Variants in FER observed in about 807,000 individuals in gnomAD.
FER encodes the protein FER tyrosine kinase.
In FER, 63 loss-of-function variants were observed where a neutral mutation model predicts 111.0. That is an observed-to-expected ratio of 0.57 (90% CI 0.46 to 0.70). The LOEUF (loss-of-function observed/expected upper bound fraction) is 0.70. Ranked by LOEUF, FER falls within the 30% of genes least tolerant of loss-of-function variation. The probability of loss-of-function intolerance (pLI) is 0.00; values close to 1 mark genes in which losing one functional copy is unlikely to be tolerated. For synonymous variants in FER, 327 were observed against 313.9 expected (o/e 1.04, Z -0.44); for missense variants, 914 against 954.0 (o/e 0.96, Z 0.55).
intron 13 of FER, among the ~76,000 whole-genome samples, chr5:109,033,660 G>A (rs772670804): frequency 6.6e-6 from 1 of 151,984 alleles, no homozygotes; most frequent in South Asian, 2.1e-4. Context: ...AATACCTAAG[G>A]GGGAGAGGGT....
rs190453391 is a variant in FER, at chr5:108,903,563, C to T, written c.1236+5715C>T. 3.2e-3 allele frequency among the ~76,000 whole-genome samples: 482 copies of T among 152,226 alleles called. 4 individuals carry two copies. Among genetic ancestry groups the T allele is most frequent in the Admixed American group, 0.01 (154 of 15,282 alleles). ...CCTTAACCTTTCTGAGTTTTCTTTT[C>T]CGTAGAGGGAGGAAATGAATATATA... is the stretch of plus-strand genomic sequence containing the variant. On this transcript the variant is annotated intron_variant, in intron 10 of 19. Coordinates refer to ENST00000281092, the MANE Select transcript of FER (RefSeq NM_005246.4).
chr5:108,939,554 A>ACTGATG (rs1223127573), intron 10 of FER, among the ~76,000 whole-genome samples: 6 of 152,052 alleles, frequency 3.9e-5, no homozygotes, highest in Non-Finnish European at 1.5e-5. Flanking sequence ...GGCAGGATGT[A>ACTGATG]CTGATGTCCT....
At chr5:109,118,868 T>C (rs1392572677) in intron 17 of FER, among the ~76,000 whole-genome samples, 1 of 152,170 alleles carries the variant, frequency 6.6e-6, no homozygotes, top group East Asian at 1.9e-4. Context: ...TTATCATTTT[T>C]TATTGCATCT....
intron 17 of FER, among the ~76,000 whole-genome samples, chr5:109,143,295 T>G (rs1178899923): frequency 6.6e-6 from 1 of 152,146 alleles, no homozygotes; most frequent in Non-Finnish European, 1.5e-5. Context: ...ATAAAGTCCT[T>G]GACTCTAGAC....
intron 13 of FER, among the ~76,000 whole-genome samples, chr5:109,024,610 A>C (rs549077690): frequency 3.4e-4 from 52 of 152,288 alleles, no homozygotes; most frequent in South Asian, 6.2e-4. Context: ...GAAAGGAAAA[A>C]GCCAGGAGTC....
chr5:108,857,857 A>C (rs144268513), intron 5 of FER, among the ~76,000 whole-genome samples: 1,566 of 152,310 alleles, frequency 0.01, 29 homozygotes, highest in African/African-American at 0.036. Context: ...AGCCACTTCA[A>C]ACTGGCTCCT....
At chr5:108,827,065 T>C (rs184740990) in intron 3 of FER, among the ~76,000 whole-genome samples, 49 of 152,352 alleles carry the variant, frequency 3.2e-4, no homozygotes, top group Admixed American at 1.6e-3. Context: ...ATTAGAGGTA[T>C]GTTATTCATA....
chr5:108,978,144 C>G (rs146913578), intron 13 of FER, among the ~76,000 whole-genome samples: 1,831 of 152,316 alleles, frequency 0.012, 18 homozygotes, highest in Non-Finnish European at 0.02. Flanking sequence ...TCGTGCCTAG[C>G]TAACTCCTGT....
chr5:109,181,280 A>C (rs1436224507), intron 18 of FER, among the ~76,000 whole-genome samples: 1 of 152,198 alleles, frequency 6.6e-6, no homozygotes, highest in East Asian at 1.9e-4. Context: ...TAAAATATTA[A>C]GTCAATCAGT....
intron 16 of FER, among the ~76,000 whole-genome samples, chr5:109,092,091 A>T (rs1746843179): frequency 6.6e-6 from 1 of 151,920 alleles, no homozygotes; most frequent in Admixed American, 6.6e-5. Context: ...CTCACCAGAC[A>T]CCAAGCCTGC....
chr5:109,147,176 C>G (rs937511554), intron 17 of FER, among the ~76,000 whole-genome samples: 1 of 151,068 alleles, frequency 6.6e-6, no homozygotes, highest in Non-Finnish European at 1.5e-5. Context: ...AAAAAATTAA[C>G]ATTTAAAAAA....
chr5:109,025,355 C>G (rs940463489), intron 13 of FER, among the ~76,000 whole-genome samples: 7 of 152,184 alleles, frequency 4.6e-5, no homozygotes, highest in Admixed American at 4.6e-4. Flanking sequence ...AAGTTGGATT[C>G]CTAGGTATTT....
At chr5:108,898,891 A>G (rs975613356) in intron 10 of FER, among the ~76,000 whole-genome samples, 1 of 151,456 alleles carries the variant, frequency 6.6e-6, no homozygotes, top group Non-Finnish European at 1.5e-5. Flanking sequence ...CTCCCTTCAC[A>G]CTCCCAGCAC....
At chr5:108,983,515 A>G (rs953711309) in intron 13 of FER, among the ~76,000 whole-genome samples, 9 of 152,124 alleles carry the variant, frequency 5.9e-5, no homozygotes, top group Non-Finnish European at 1.5e-5. Context: ...GTAAAGTAGT[A>G]AATTAATTTT....
At chr5:109,144,220 G>GT (rs1471823150) in intron 17 of FER, among the ~76,000 whole-genome samples, 1 of 151,876 alleles carries the variant, frequency 6.6e-6, no homozygotes, top group African/African-American at 2.4e-5. Context: ...TTACCAATAG[G>GT]TTTTTTTAAA....
chr5:109,097,024 T>C (rs920824861), intron 16 of FER, among the ~76,000 whole-genome samples: 1 of 148,948 alleles, frequency 6.7e-6, no homozygotes, highest in Non-Finnish European at 1.5e-5. Flanking sequence ...GTATAATAAA[T>C]AGTAATAGTA....
chr5:109,007,260 T>G (rs1353862940), intron 13 of FER, among the ~76,000 whole-genome samples: 1 of 152,172 alleles, frequency 6.6e-6, no homozygotes, highest in Admixed American at 6.6e-5. Context: ...ACATCAGTCT[T>G]TACAGTGTCC....
chr5:109,127,683 C>T (rs1355153438), intron 17 of FER, among the ~76,000 whole-genome samples: 2 of 151,982 alleles, frequency 1.3e-5, no homozygotes, highest in African/African-American at 2.4e-5. Flanking sequence ...GGGATTACAG[C>T]GTGAGCCACC....
Position 109,196,521 on chromosome 5 carries a change from A to G in FER, c.*8946A>G, listed in dbSNP as rs1023431780. On this transcript the variant is annotated 3_prime_UTR_variant, in exon 20 of 20. Transcript: ENST00000281092. ...GGCTTTGGCGGGTTTATCTGGCTTT[A>G]TAAACAAGTCTGAAAAATGGATGAA... is the stretch of plus-strand genomic sequence containing the variant. The G allele has an allele frequency of 1.3e-5, 2 of 152,226 alleles. No individual in the cohort carries two copies. The highest frequency in any genetic ancestry group is 4.1e-4 in the South Asian group (2 of 4,830). The allele number at this position is 152,226 out of a possible 1,614,324, so 9.4% of individuals were successfully genotyped here.
Sources: gnomAD v4.1 joint callset for allele counts (sites outside exome capture counted in the v4.1 genomes callset) on GRCh38, gnomAD v4.1.1 for gene constraint, MANE v1.5 for transcripts, NCBI Gene and HGNC (gene_info 2026-07-23, HGNC 2026-07-21) for gene names.